ABCA9: variants seen among roughly 807,000 people sequenced by gnomAD.
ABCA9 encodes the protein ATP-binding cassette sub-family A member 9.
A neutral mutation model predicts 205.3 loss-of-function variants in ABCA9; 183 were observed. The ratio of observed to expected loss-of-function variants is 0.89; its 90% confidence interval spans 0.79 to 1.01. ABCA9 has a LOEUF of 1.01. ABCA9 is among the 50% of genes least tolerant of loss of function. The probability of loss-of-function intolerance (pLI) is 0.00; values close to 1 mark genes in which losing one functional copy is unlikely to be tolerated. For synonymous variants in ABCA9, 651 were observed against 683.3 expected, an observed-to-expected ratio of 0.95 and a Z score of 0.74; for missense variants, 1,805 against 1,912.4, an observed-to-expected ratio of 0.94 and a Z score of 1.05.
intron 1 of ABCA9, among the ~76,000 whole-genome samples, chr17:69,059,585 C>T (rs563624775): frequency 3.3e-5 from 5 of 152,082 alleles, no homozygotes; most frequent in African/African-American, 1.2e-4. Context: ...TGATGTTAGC[C>T]GAGTGAGAAC....
chr17:69,049,116 C>G (rs1279730922), intron 3 of ABCA9, among the ~76,000 whole-genome samples, 167 bp downstream of exon 3: 1 of 152,090 alleles, frequency 6.6e-6, no homozygotes. Context: ...AAATGGGACA[C>G]TAGTGAACAA....
intron 17 of ABCA9, among the ~76,000 whole-genome samples, chr17:69,022,840 C>T (rs1382510979): frequency 6.6e-6 from 1 of 152,092 alleles, no homozygotes; most frequent in Non-Finnish European, 1.5e-5. Flanking sequence ...TTAAAGACTT[C>T]AATCTTAATT....
At chr17:69,031,715 G>A (rs2071155565) in intron 10 of ABCA9, among the ~76,000 whole-genome samples, 1 of 152,120 alleles carries the variant, frequency 6.6e-6, no homozygotes, top group African/African-American at 2.4e-5. Flanking sequence ...AGCCAGGAAG[G>A]GAAGATGAGA....
chr17:69,062,158 T>C (rs574275355), upstream of ABCA9, among the ~76,000 whole-genome samples: 21 of 151,940 alleles, frequency 1.4e-4, no homozygotes, highest in Non-Finnish European at 2.9e-4. Flanking sequence ...AAAAAAAGAC[T>C]TCTGATTGTT....
chr17:69,056,006 A>G (rs1471323089), intron 1 of ABCA9, among the ~76,000 whole-genome samples: 1 of 152,224 alleles, frequency 6.6e-6, no homozygotes, highest in Non-Finnish European at 1.5e-5. Context: ...TGTGGCATAC[A>G]GTGAAAGCTT....
intron 25 of ABCA9, among the ~76,000 whole-genome samples, chr17:69,005,128 G>C (rs897820993): frequency 6.6e-6 from 1 of 152,158 alleles, no homozygotes; most frequent in African/African-American, 2.4e-5. Flanking sequence ...GTTCCTATTC[G>C]GCCATCTTGG....
chr17:69,049,233 T>A, intron 3 of ABCA9, 50 bp downstream of exon 3: 1 of 1,457,928 alleles, frequency 6.9e-7, no homozygotes, highest in Non-Finnish European at 9.4e-7. Context: ...CAAAATGAAT[T>A]TGTGCCTTTT....
rs1411629280 is a variant in ABCA9, at chr17:69,023,710, T to C, written c.2281+504A>G. 6.6e-6 allele frequency among the ~76,000 whole-genome samples: 1 copy of C among 152,228 alleles called. No individual in the cohort carries two copies. The highest frequency in any genetic ancestry group is 1.5e-5 in the Non-Finnish European group (1 of 68,034). On this transcript the variant is annotated intron_variant, in intron 17 of 38. Transcript: ENST00000340001. This position sits in a 1 kb window ranked among gnomAD's most constrained non-coding sequence, Gnocchi z 4.2. ...TAACACCAGTAGTTCTCCAAGCTTCTGTGTTTGCAGCAAAGTTGTACATTG... is the reference window on the plus strand; with the variant it reads ...TAACACCAGTAGTTCTCCAAGCTTCCGTGTTTGCAGCAAAGTTGTACATTG...
At position 69,027,691 on chromosome 17, in the gene ABCA9, G is replaced by A; in HGVS notation, c.1740C>T (p.Leu580=). The A allele has an allele frequency of 6.2e-7, 1 of 1,613,560 alleles. No homozygotes were observed. Among genetic ancestry groups the A allele is most frequent in the Non-Finnish European group, 8.5e-7 (1 of 1,179,884 alleles). Residue 580 remains leucine, a synonymous_variant, in exon 13 of 39, where the codon CTC becomes CTT. Transcript: ENST00000340001. ...QFGFLTVKEN[L]RLFAKIKGIL... is the part of the protein sequence containing the mutation. Reference sequence around the variant, plus strand: ...TCCCTTTTATTTTAGCAAACAGCCTGAGGTTTTCTTTCACAGTGAGAAATC... The same window carrying A: ...TCCCTTTTATTTTAGCAAACAGCCTAAGGTTTTCTTTCACAGTGAGAAATC...
At chr17:68,984,777 C>A in intron 34 of ABCA9, 108 bp downstream of exon 34, 1 of 1,421,416 alleles carries the variant, frequency 7.0e-7, no homozygotes, top group Non-Finnish European at 9.6e-7. Flanking sequence ...TAAAATATTG[C>A]TTTTCCTGAT....
At chr17:68,981,326 GA>G (rs966881812) in intron 37 of ABCA9, among the ~76,000 whole-genome samples, 165 of 146,746 alleles carry the variant, frequency 1.1e-3, no homozygotes, top group South Asian at 2.2e-3. Flanking sequence ...TATGTGATGT[GA>G]AAAAAAAAAG....
rs1157021277 is a variant in ABCA9 at position 69,035,747 on chromosome 17, C to T, written c.855G>A (p.Met285Ile). 1 of 1,613,480 alleles carries T rather than the reference C, an allele frequency of 6.2e-7. No individual in the cohort carries two copies. Residue 285 changes from methionine to isoleucine, a missense_variant, in exon 7 of 39, where the codon ATG becomes ATA. Transcript: ENST00000340001. The part of the protein sequence containing the change: ...AGFILIMATL[M>I]ALIVKSAQIV... Reference sequence around the variant, plus strand: ...TTTGTGCAGATTTTACAATAAGAGCCATTAAAGTGGCCATGATAAGGATGA... The same window carrying T: ...TTTGTGCAGATTTTACAATAAGAGCTATTAAAGTGGCCATGATAAGGATGA...
At chr17:68,999,600 T>C (rs868850886) in intron 25 of ABCA9, among the ~76,000 whole-genome samples, 13 of 150,006 alleles carry the variant, frequency 8.7e-5, no homozygotes, top group South Asian at 2.1e-4. Context: ...TGTGCATGTG[T>C]CTTTATAGCA....
At chr17:68,985,026 C>A (rs759068181) in intron 33 of ABCA9, 27 bp downstream of exon 33, 2 of 1,614,196 alleles carry the variant, frequency 1.2e-6, no homozygotes, top group Non-Finnish European at 1.7e-6. Flanking sequence ...ACGGCACTTG[C>A]AGAGCAACAA....
At position 69,023,128 on chromosome 17, in the gene ABCA9, T is replaced by C. The variant is rs1435553292; in HGVS notation, c.2281+1086A>G. On this transcript the variant is annotated intron_variant, in intron 17 of 38. Coordinates refer to ENST00000340001, the MANE Select transcript of ABCA9 (RefSeq NM_080283.4). The surrounding 1 kb of genome is among the most constrained non-coding windows in gnomAD (Gnocchi z 4.2). ...TCATCTTTTAATATATCTGAAATAATAATGGATCTTAAATGATAGTAGATC... is the reference window on the plus strand; with the variant it reads ...TCATCTTTTAATATATCTGAAATAACAATGGATCTTAAATGATAGTAGATC... The C allele has an allele frequency of 6.6e-6, 1 of 152,336 alleles. No homozygotes were observed. Among genetic ancestry groups the C allele is most frequent in the South Asian group, 2.1e-4 (1 of 4,830 alleles). 9.4% of individuals were successfully genotyped at this position (152,336 alleles called of 1,614,324 possible).
intron 6 of ABCA9, among the ~76,000 whole-genome samples, chr17:69,036,804 C>G (rs909920102): frequency 2.2e-5 from 3 of 136,000 alleles, no homozygotes; most frequent in African/African-American, 8.2e-5. Context: ...AGACCCATCT[C>G]AGGTGCAAAG....
upstream of ABCA9, among the ~76,000 whole-genome samples, chr17:69,063,278 A>T (rs567907772): frequency 8.5e-5 from 13 of 152,344 alleles, no homozygotes; most frequent in South Asian, 2.7e-3. Context: ...CAGTGCCAGA[A>T]ACCTTATAAA....
chr17:69,028,804 T>C (rs559222369), intron 11 of ABCA9, among the ~76,000 whole-genome samples, 159 bp from the exon 12 acceptor site: 43 of 152,352 alleles, frequency 2.8e-4, no homozygotes, highest in African/African-American at 1.0e-3. Context: ...ATTTCAACAT[T>C]TTGTAGTGAT....
At chr17:69,066,527 C>T in the ABCA9 span, among the ~76,000 whole-genome samples, 1 of 151,254 alleles carries the variant, frequency 6.6e-6, no homozygotes, top group African/African-American at 2.4e-5. Context: ...GAACGCTGAA[C>T]ACGCAGGAGA....
Sources: allele counts gnomAD v4.1 joint callset (sites outside exome capture counted in the v4.1 genomes callset), GRCh38; gene constraint gnomAD v4.1.1; non-coding constraint Gnocchi (gnomAD v3.1); transcripts MANE v1.5; gene names NCBI Gene and HGNC (gene_info 2026-07-23, HGNC 2026-07-21).